Variants in CTH observed in about 807,000 individuals in gnomAD.
CTH encodes the protein cystathionine gamma-lyase.
In CTH, 41 loss-of-function variants were observed where a neutral mutation model predicts 50.6. The observed-to-expected ratio is 0.81, with a 90% CI of 0.63 to 1.05. The LOEUF (loss-of-function observed/expected upper bound fraction) is 1.05. CTH is among the 50% of genes least tolerant of loss of function. The pLI is 0.00. For missense variants in CTH, 470 were observed against 492.6 expected, an observed-to-expected ratio of 0.95 and a Z score of 0.43; for synonymous variants, 156 against 168.9, an observed-to-expected ratio of 0.92 and a Z score of 0.59.
chr1:70,432,128 G>T lies in CTH; in HGVS notation c.770G>T (p.Arg257Leu). 6.2e-7 allele frequency: 1 copy of T among 1,614,026 alleles called. No homozygotes were observed. The highest frequency in any genetic ancestry group is 8.5e-7 in the Non-Finnish European group (1 of 1,179,982). Residue 257 changes from arginine to leucine, a missense_variant, in exon 8 of 12, where the codon CGA becomes CTA. Arg to Leu is a moderately radical substitution (Grantham distance 102, BLOSUM62 -2). Coordinates refer to ENST00000370938, the MANE Select transcript of CTH (RefSeq NM_001902.6). Reference sequence around the variant, plus strand: ...CCTATTGATTGTTACCTCTGCAATCGAGGTCTGAAGACTCTACATGTCCGA... The same window carrying T: ...CCTATTGATTGTTACCTCTGCAATCTAGGTCTGAAGACTCTACATGTCCGA... ...PSPIDCYLCN[R>L]GLKTLHVRME...
chr1:70,411,509 T>C lies in CTH; in HGVS notation c.94T>C (p.Trp32Arg). 1.9e-6 allele frequency: 3 copies of C among 1,614,210 alleles called. No homozygotes were observed. The highest frequency in any genetic ancestry group is 2.5e-6 in the Non-Finnish European group (3 of 1,180,044). ...AIHVGQDPEQ[W>R]TSRAVVPPIS... ...CCATGTGGGCCAGGATCCAGAGCAA[T>C]GGACCTCCAGGGCTGTAGTGCCCCC... Residue 32 changes from tryptophan (W) to arginine (R), a missense_variant, in exon 1 of 12, where the codon TGG becomes CGG. Coordinates refer to ENST00000370938, the MANE Select transcript of CTH (RefSeq NM_001902.6).
intron 10 of CTH, among the ~76,000 whole-genome samples, chr1:70,436,686 G>A (rs531721420): frequency 6.7e-6 from 1 of 150,182 alleles, no homozygotes; most frequent in Non-Finnish European, 1.5e-5. Context: ...AAAAAAAGAT[G>A]TCTAAATAAT....
intron 10 of CTH, 45 bp downstream of exon 10, chr1:70,435,222 G>T: frequency 1.3e-6 from 2 of 1,531,912 alleles, no homozygotes; most frequent in East Asian, 2.3e-5. Flanking sequence ...TTTGATGTCA[G>T]CTTTAATGAT....
chr1:70,422,654 C>CAGGCTGT (rs1684251197), intron 4 of CTH, among the ~76,000 whole-genome samples: 1 of 150,366 alleles, frequency 6.7e-6, no homozygotes, highest in Non-Finnish European at 1.5e-5. Flanking sequence ...CCCTGTCACC[C>CAGGCTGT]AGGCTGTAGT....
At chr1:70,417,248 A>G (rs973940637) in intron 2 of CTH, among the ~76,000 whole-genome samples, 2 of 151,828 alleles carry the variant, frequency 1.3e-5, no homozygotes, top group Non-Finnish European at 2.9e-5. Context: ...CGTATGAATC[A>G]TATCTTTGCT....
intron 10 of CTH, among the ~76,000 whole-genome samples, chr1:70,436,512 G>A (rs866825860): frequency 6.6e-6 from 1 of 152,066 alleles, no homozygotes; most frequent in Admixed American, 6.6e-5. Flanking sequence ...TGTATACGGT[G>A]TATTTCTGTG....
chr1:70,424,454 C>A, intron 5 of CTH, 38 bp downstream of exon 5: 2 of 1,612,074 alleles, frequency 1.2e-6, no homozygotes, highest in Non-Finnish European at 1.7e-6. Flanking sequence ...AATTAGTAGA[C>A]CACATATATC....
At chr1:70,438,588 G>T in intron 10 of CTH, 100 bp from the exon 11 acceptor site, 1 of 1,355,844 alleles carries the variant, frequency 7.4e-7, no homozygotes, top group Non-Finnish European at 1.1e-6. Context: ...TTTGATATTT[G>T]GACCAGAAAA....
chr1:70,412,278 T>G (rs575158239), intron 1 of CTH, among the ~76,000 whole-genome samples: 1 of 152,346 alleles, frequency 6.6e-6, no homozygotes, highest in South Asian at 2.1e-4. Flanking sequence ...TTTAGCCTAT[T>G]GCGTCATTTA....
intron 5 of CTH, among the ~76,000 whole-genome samples, chr1:70,428,721 C>T (rs1684401600): frequency 6.6e-6 from 1 of 151,898 alleles, no homozygotes; most frequent in African/African-American, 2.4e-5. Context: ...AGTGATTCTC[C>T]TGCCTCAGCC....
At chr1:70,412,687 T>C (rs541592445) in intron 1 of CTH, among the ~76,000 whole-genome samples, 10 of 152,304 alleles carry the variant, frequency 6.6e-5, no homozygotes, top group African/African-American at 2.2e-4. Flanking sequence ...CTGGGGGACC[T>C]TGGGCAAGTT....
intron 7 of CTH, 68 bp downstream of exon 7, chr1:70,430,462 C>T: frequency 1.2e-6 from 1 of 815,098 alleles, no homozygotes; most frequent in South Asian, 1.4e-5. Flanking sequence ...TGTATTTCCA[C>T]TAAGTGATGT....
intron 8 of CTH, 55 bp from the exon 9 acceptor site, chr1:70,433,773 C>G (rs188505821): frequency 2.5e-5 from 40 of 1,610,468 alleles, no homozygotes; most frequent in East Asian, 9.0e-5. Flanking sequence ...CCCTCCCCCC[C>G]CAAAAATTAC....
At chr1:70,421,416 A>G (rs672203) in intron 3 of CTH, 150 bp from the exon 4 acceptor site, 271,903 of 795,714 alleles carry the variant, frequency 0.34, 47,884 homozygotes, top group Middle Eastern at 0.41. Context: ...TCAGATAGCC[A>G]AACTATTTAA....
chr1:70,430,868 G>C (rs1184174104), intron 7 of CTH: 2 of 150,910 alleles, frequency 1.3e-5, no homozygotes, highest in African/African-American at 4.9e-5. Context: ...GATTTTAGAG[G>C]AAAGTGTTAT....
chr1:70,436,684 AT>A lies in CTH; in HGVS notation c.1052+1508del, dbSNP rs200022081. Among the ~76,000 whole-genome samples, 692 of 151,648 alleles carry A rather than the reference AT, an allele frequency of 4.6e-3. 1 individual carries two copies. Among genetic ancestry groups the A allele is most frequent in the African/African-American group, 0.016 (664 of 41,410 alleles). The stretch of plus-strand genomic sequence containing the variant: ...TCACCAAGTTAAAAAAAAAAAAAAG[AT>A]GTCTAAATAATGACTTGAAATAATT... On this transcript the variant is annotated intron_variant, in intron 10 of 11. Transcript: ENST00000370938.
In CTH at chr1:70,424,435, T is replaced by G; in HGVS notation, c.588+19T>G. 6.2e-7 allele frequency: 1 copy of G among 1,613,686 alleles called. No individual in the cohort carries two copies. The highest frequency in any genetic ancestry group is 8.5e-7 in the Non-Finnish European group (1 of 1,179,780). ...TTTCCAGGTAAATGAAAATAATTTT[T>G]TTTGGCACAATTAGTAGACCACATA... is the stretch of plus-strand genomic sequence containing the variant. On this transcript the variant is annotated intron_variant, in intron 5 of 11. Transcript: ENST00000370938.
chr1:70,413,890 C>T (rs968034887), intron 1 of CTH, among the ~76,000 whole-genome samples: 1 of 151,204 alleles, frequency 6.6e-6, no homozygotes, highest in Non-Finnish European at 1.5e-5. Context: ...TACAGCTGCC[C>T]GCCACCATGC....
intron 5 of CTH, among the ~76,000 whole-genome samples, chr1:70,428,564 AT>A (rs1684397253): frequency 6.6e-6 from 1 of 151,242 alleles, no homozygotes; most frequent in African/African-American, 2.4e-5. Flanking sequence ...ATTCCTTTTC[AT>A]TTTTATTTTT....
Sources: gnomAD v4.1 joint callset for allele counts (sites outside exome capture counted in the v4.1 genomes callset) on GRCh38, gnomAD v4.1.1 for gene constraint, MANE v1.5 for transcripts, NCBI Gene and HGNC (gene_info 2026-07-23, HGNC 2026-07-21) for gene names.